Variants in OR2AJ1 observed in about 807,000 individuals in gnomAD.
OR2AJ1 encodes the protein olfactory receptor family 2 subfamily AJ member 1, also known as olfactory receptor 2AJ1.
For missense variants in OR2AJ1, 280 were observed against 163.2 expected, an observed-to-expected ratio of 1.72 and a Z score of -3.90; for synonymous variants, 105 against 60.3, an observed-to-expected ratio of 1.74 and a Z score of -3.44.
chr1:247,927,094 C>T (rs998246028), intron 1 of OR2AJ1, among the ~76,000 whole-genome samples: 2 of 152,186 alleles, frequency 1.3e-5, no homozygotes, highest in Admixed American at 1.3e-4. Flanking sequence ...ATTTTCTCAT[C>T]TCTGCTAACT....
At position 247,934,622 on chromosome 1, in the gene OR2AJ1, T is replaced by C. The variant is rs1660196749; in HGVS notation, c.854T>C (p.Leu285Pro). 3 of 717,704 alleles carry C rather than the reference T, an allele frequency of 4.2e-6. No homozygotes were observed. The highest frequency in any genetic ancestry group is 7.8e-6 in the Non-Finnish European group (3 of 385,188). The allele number at this position is 717,704 out of a possible 1,614,324, so 44.5% of individuals were successfully genotyped here. A position where few individuals can be genotyped will look rare whatever the true frequency, so the allele number is the denominator to read the frequency against. Residue 285 changes from leucine to proline, a missense_variant, in exon 2 of 2, where the codon CTC becomes CCC. Physicochemically the swap from Leu to Pro is moderately conservative, Grantham distance 98 (BLOSUM62 -3). Coordinates refer to ENST00000318244, the MANE Select transcript of OR2AJ1 (RefSeq NM_001355235.2). ...TTCTATACGATCCTCACACCCACAC[T>C]CAACCCTTTCATCTACAGCTTTAGG... ...AIFYTILTPT[L>P]NPFIYSFRNK...
intron 1 of OR2AJ1, among the ~76,000 whole-genome samples, chr1:247,928,988 G>A (rs116157156): frequency 0.018 from 2,713 of 152,118 alleles, 80 homozygotes; most frequent in African/African-American, 0.06. Context: ...CAGCTCCTTG[G>A]GAGACAGTAA....
At chr1:247,932,701 A>G (rs1660167570) in intron 1 of OR2AJ1, among the ~76,000 whole-genome samples, 1 of 152,186 alleles carries the variant, frequency 6.6e-6, no homozygotes, top group African/African-American at 2.4e-5. Flanking sequence ...AGAAACCTGG[A>G]CTAATGTATT....
At chr1:247,929,599 G>GGTGTGT (rs1553341471) in intron 1 of OR2AJ1, among the ~76,000 whole-genome samples, 103 of 147,446 alleles carry the variant, frequency 7.0e-4, no homozygotes, top group African/African-American at 2.2e-3. Flanking sequence ...CCCTTCACTC[G>GGTGTGT]GTGTGTGTGT....
Position 247,933,861 on chromosome 1 carries a change from A to G in OR2AJ1, c.93A>G (p.Leu31=), listed in dbSNP as rs2103007280. The G allele has an allele frequency of 1.4e-6, 1 of 689,926 alleles. No homozygotes were observed. Among genetic ancestry groups the G allele is most frequent in the East Asian group, 2.7e-5 (1 of 36,896 alleles). The allele number at this position is 689,926 out of a possible 1,614,324, so 42.7% of individuals were successfully genotyped here. ...SPTSVVFFLV[L]FVIFIMSVTE... is the part of the protein sequence containing the mutation. The stretch of plus-strand genomic sequence containing the variant: ...CAAGTGTGGTCTTCTTCTTAGTTTT[A>G]TTTGTCATTTTCATTATGAGTGTAA... Residue 31 remains leucine (L), a synonymous_variant, in exon 2 of 2, where the codon TTA becomes TTG. Transcript: ENST00000318244.
intron 1 of OR2AJ1, among the ~76,000 whole-genome samples, chr1:247,929,591 C>T (rs1432682299): frequency 3.6e-5 from 3 of 83,258 alleles, no homozygotes; most frequent in Non-Finnish European, 9.0e-5. Flanking sequence ...TATTCCCCCC[C>T]TTCACTCGGT....
rs1329831075 is a variant in OR2AJ1 at position 247,928,891 on chromosome 1, G to A, written c.-23+3723G>A. ...GGGCGGATCACGAGGTCAGGAGATC[G>A]AGACCATCCTGGCTAACACGGTGAA... On this transcript the variant is annotated intron_variant, in intron 1 of 1. Coordinates refer to ENST00000318244, the MANE Select transcript of OR2AJ1 (RefSeq NM_001355235.2). Among the ~76,000 whole-genome samples the A allele has an allele frequency of 2.6e-5, 4 of 152,082 alleles. 1 individual carries two copies. Among genetic ancestry groups the A allele is most frequent in the Non-Finnish European group, 5.9e-5 (4 of 68,024 alleles).
rs1204500521 is a variant in OR2AJ1 at position 247,934,396 on chromosome 1, C to A, written c.628C>A (p.Pro210Thr). The A allele has an allele frequency of 1.4e-6, 1 of 718,152 alleles. No individual in the cohort carries two copies. The allele number at this position is 718,152 out of a possible 1,614,324, so 44.5% of individuals were successfully genotyped here. A position where few individuals can be genotyped will look rare whatever the true frequency, so the allele number is the denominator to read the frequency against. The change falls in exon 2 of 2, where the codon CCT (proline) becomes ACT (threonine). Residue 210 changes from proline (P) to threonine (T), a missense_variant. Coordinates refer to ENST00000318244, the MANE Select transcript of OR2AJ1 (RefSeq NM_001355235.2). The stretch of plus-strand genomic sequence containing the variant: ...AAGTGCTGTGATCTTCCTGCTGATC[C>A]CTTTCTCCTTGATCTCTGCTTCTTA... The part of the protein sequence containing the change: ...CVSAVIFLLI[P>T]FSLISASYGQ...
At chr1:247,929,392 C>A (rs1458051657) in intron 1 of OR2AJ1, among the ~76,000 whole-genome samples, 1 of 152,074 alleles carries the variant, frequency 6.6e-6, no homozygotes, top group Non-Finnish European at 1.5e-5. Flanking sequence ...TTCTTTCATT[C>A]CTTTCCTTCC....
chr1:247,933,895 A>C lies in OR2AJ1; in HGVS notation c.127A>C (p.Thr43Pro), dbSNP rs748750082. 1.8e-5 allele frequency: 13 copies of C among 714,960 alleles called. No individual in the cohort carries two copies. In the South Asian group the frequency reaches 1.9e-4, roughly 11 times the overall value. 44.3% of individuals were successfully genotyped at this position (714,960 alleles called of 1,614,324 possible). The part of the protein sequence containing the change: ...VIFIMSVTEN[T>P]LMILLIRSDS... ...TTTCATTATGAGTGTAACAGAAAATACGCTCATGATCCTCCTCATTCGCAG... is the reference window on the plus strand; with the variant it reads ...TTTCATTATGAGTGTAACAGAAAATCCGCTCATGATCCTCCTCATTCGCAG... The change falls in exon 2 of 2, where the codon ACG (threonine) becomes CCG (proline). Residue 43 changes from threonine to proline, a missense_variant. Coordinates refer to ENST00000318244, the MANE Select transcript of OR2AJ1 (RefSeq NM_001355235.2).
chr1:247,931,572 A>T (rs554325240), intron 1 of OR2AJ1, among the ~76,000 whole-genome samples: 2 of 152,294 alleles, frequency 1.3e-5, no homozygotes, highest in South Asian at 4.1e-4. Flanking sequence ...ATAAGAAATA[A>T]ATTGTGGATT....
rs1403877132 is a variant in OR2AJ1 at position 247,933,843 on chromosome 1, G to A, written c.75G>A (p.Val25=). 4 of 669,946 alleles carry A rather than the reference G, an allele frequency of 6.0e-6. No homozygotes were observed. The highest frequency in any genetic ancestry group is 4.5e-5 in the Admixed American group (2 of 44,812). The allele number at this position is 669,946 out of a possible 1,614,324, so 41.5% of individuals were successfully genotyped here. Residue 25 remains valine, a synonymous_variant, in exon 2 of 2, where the codon GTG becomes GTA. Coordinates refer to ENST00000318244, the MANE Select transcript of OR2AJ1 (RefSeq NM_001355235.2). ...LGLFSSSPTS[V]VFFLVLFVIF... Reference sequence around the variant, plus strand: ...TGTTCTCTTCTTCCCCAACAAGTGTGGTCTTCTTCTTAGTTTTATTTGTCA... The same window carrying A: ...TGTTCTCTTCTTCCCCAACAAGTGTAGTCTTCTTCTTAGTTTTATTTGTCA...
chr1:247,928,951 G>A (rs1277690359), intron 1 of OR2AJ1, among the ~76,000 whole-genome samples: 2 of 152,064 alleles, frequency 1.3e-5, no homozygotes, highest in Admixed American at 6.5e-5. Context: ...AAAATTATCC[G>A]GGCGTGGTCG....
At chr1:247,928,938 A>C (rs996172087) in intron 1 of OR2AJ1, among the ~76,000 whole-genome samples, 5 of 152,106 alleles carry the variant, frequency 3.3e-5, no homozygotes, top group East Asian at 3.9e-4. Flanking sequence ...ACTAAAAATA[A>C]AAAAAATTAT....
At chr1:247,932,639 A>AT (rs1289984976) in intron 1 of OR2AJ1, among the ~76,000 whole-genome samples, 6 of 152,142 alleles carry the variant, frequency 3.9e-5, no homozygotes, top group Non-Finnish European at 8.8e-5. Context: ...ATGGAAAATA[A>AT]TTTTTTAATG....
At position 247,934,525 on chromosome 1, in the gene OR2AJ1, G is replaced by T; in HGVS notation, c.757G>T (p.Gly253Trp). 1 of 717,390 alleles carries T rather than the reference G, an allele frequency of 1.4e-6. No individual in the cohort carries two copies. 44.4% of individuals were successfully genotyped at this position (717,390 alleles called of 1,614,324 possible). ...CATGATTGTGGTCACGATGTACTAT[G>T]GGCCATTTATTTTTACATATATGAG... The part of the protein sequence containing the change: ...FHMIVVTMYY[G>W]PFIFTYMRPK... The change falls in exon 2 of 2, where the codon GGG becomes TGG. Residue 253 changes from glycine to tryptophan, a missense_variant. Gly to Trp is a radical substitution (Grantham distance 184). Transcript: ENST00000318244.
chr1:247,934,187 C>G lies in OR2AJ1; in HGVS notation c.419C>G (p.Ala140Gly), dbSNP rs1478025638. 1 of 718,464 alleles carries G rather than the reference C, an allele frequency of 1.4e-6. No homozygotes were observed. The highest frequency in any genetic ancestry group is 2.6e-6 in the Non-Finnish European group (1 of 385,568). The allele number at this position is 718,464 out of a possible 1,614,324, so 44.5% of individuals were successfully genotyped here. A position where few individuals can be genotyped will look rare whatever the true frequency, so the allele number is the denominator to read the frequency against. Residue 140 changes from alanine (A) to glycine (G), a missense_variant, in exon 2 of 2, where the codon GCC becomes GGC. Physicochemically the swap from Ala to Gly is moderately conservative, Grantham distance 60. Coordinates refer to ENST00000318244, the MANE Select transcript of OR2AJ1 (RefSeq NM_001355235.2). ...TATCCGATTCTTATGAAGGAGTATG[C>G]CAGCGCTCTCATGGCTGGAGGCTCC... ...LRYPILMKEY[A>G]SALMAGGSWL...
intron 1 of OR2AJ1, among the ~76,000 whole-genome samples, chr1:247,930,783 A>T (rs1365942682): frequency 6.6e-6 from 1 of 152,148 alleles, no homozygotes; most frequent in South Asian, 2.1e-4. Context: ...ATTTAATCAC[A>T]TACAGTTATC....
At chr1:247,930,118 T>G (rs1660136097) in intron 1 of OR2AJ1, among the ~76,000 whole-genome samples, 2 of 152,224 alleles carry the variant, frequency 1.3e-5, no homozygotes, top group African/African-American at 2.4e-5. Flanking sequence ...ATTTTAAGCT[T>G]ATGATAAAGC....
Sources: allele counts gnomAD v4.1 joint callset (sites outside exome capture counted in the v4.1 genomes callset), GRCh38; gene constraint gnomAD v4.1.1; transcripts MANE v1.5; gene names NCBI Gene and HGNC (gene_info 2026-07-23, HGNC 2026-07-21).